The following TRMT11 variants were observed in gnomAD, a reference collection of about 807,000 sequenced individuals.
TRMT11 encodes tRNA (guanine(10)-N(2))-methyltransferase TRMT11.
TRMT11 carries 53 observed loss-of-function variants against 62.8 expected under a neutral mutation model. The observed-to-expected ratio is 0.84, with a 90% CI of 0.68 to 1.06. The LOEUF is 1.06. Ranked by LOEUF, TRMT11 falls within the 50% of genes least tolerant of loss-of-function variation. The probability of loss-of-function intolerance (pLI) is 0.00; values close to 1 mark genes in which losing one functional copy is unlikely to be tolerated. For synonymous variants in TRMT11, 188 were observed against 190.3 expected (o/e 0.99, Z 0.10); for missense variants, 556 against 553.4 (o/e 1.00, Z -0.05).
At position 126,171,942 on chromosome 6, in the gene TRMT11, C is replaced by T. The variant is rs555678524; in HGVS notation, c.*1824-2883C>T. The stretch of plus-strand genomic sequence containing the variant: ...TCATATTGGCTAGGCTGGTCTCAAA[C>T]TCCTGATCTCAGGTGATCCACCCGC... On this transcript the variant is annotated intron_variant and NMD_transcript_variant, in intron 21 of 22. Coordinates refer to the TRMT11 transcript ENST00000648977. 8.8e-3 allele frequency among the ~76,000 whole-genome samples: 1,336 copies of T among 152,220 alleles called. 21 individuals are homozygous for T. Among genetic ancestry groups the T allele is most frequent in the Non-Finnish European group, 0.014 (950 of 68,016 alleles).
chr6:126,083,062 A>G (rs1777176024), intron 17 of TRMT11, among the ~76,000 whole-genome samples: 1 of 152,192 alleles, frequency 6.6e-6, no homozygotes, highest in Non-Finnish European at 1.5e-5. Context: ...ACTTGAATAG[A>G]TATTTTTCCA....
rs1476221899 is a variant in TRMT11 at position 126,080,837 on chromosome 6, C to A, written c.*1437+27647C>A. On this transcript the variant is annotated intron_variant and NMD_transcript_variant, in intron 17 of 22. Transcript: ENST00000648977. ...CCCCCCTGTAGTTATTGCCCCAGTT[C>A]CTGAATGTATAATGGGAATAGACAT... is the stretch of plus-strand genomic sequence containing the variant. Among the ~76,000 whole-genome samples, 4 of 152,250 alleles carry A rather than the reference C, an allele frequency of 2.6e-5. No homozygotes were observed. The East Asian group carries it at 7.7e-4, about 29-fold the overall frequency.
At chr6:126,010,238 G>A (rs904319375) in intron 8 of TRMT11, among the ~76,000 whole-genome samples, 1 of 152,010 alleles carries the variant, frequency 6.6e-6, no homozygotes, top group Non-Finnish European at 1.5e-5. Context: ...GCATTTGACA[G>A]TGTTGACCTT....
In TRMT11 at chr6:126,005,215, T is replaced by G. The variant is rs563363309; in HGVS notation, c.680-3177T>G. On this transcript the variant is annotated intron_variant, in intron 7 of 12. Transcript: ENST00000334379. ...AACAGAGTGTGTAGCTTTACTTAATTTAATGTAATTTGTTTAGTAGCATAT... is the reference window on the plus strand; with the variant it reads ...AACAGAGTGTGTAGCTTTACTTAATGTAATGTAATTTGTTTAGTAGCATAT... 2.0e-5 allele frequency among the ~76,000 whole-genome samples: 3 copies of G among 152,210 alleles called. No individual in the cohort carries two copies. The South Asian group carries it at 6.2e-4, about 32-fold the overall frequency.
At chr6:126,144,989 T>C (rs934340921) in intron 21 of TRMT11, among the ~76,000 whole-genome samples, 3 of 152,186 alleles carry the variant, frequency 2.0e-5, no homozygotes, top group African/African-American at 4.8e-5. Context: ...CCAATAAATA[T>C]AGATCTCCAT....
At chr6:126,095,057 A>G (rs2128172436) in intron 17 of TRMT11, among the ~76,000 whole-genome samples, 1 of 152,332 alleles carries the variant, frequency 6.6e-6, no homozygotes, top group African/African-American at 2.4e-5. Context: ...TATGAAACTC[A>G]GAGATTATTT....
intron 17 of TRMT11, among the ~76,000 whole-genome samples, chr6:126,079,618 G>C (rs983290399): frequency 6.6e-6 from 1 of 152,020 alleles, no homozygotes; most frequent in Non-Finnish European, 1.5e-5. Flanking sequence ...TGAGTACTGT[G>C]CTCACGACCT....
At chr6:126,014,348 T>A (rs978060349) in intron 11 of TRMT11, among the ~76,000 whole-genome samples, 2 of 152,078 alleles carry the variant, frequency 1.3e-5, no homozygotes, top group Admixed American at 6.6e-5. Flanking sequence ...CCTCCTGGGT[T>A]CAAGCGATAC....
At chr6:126,214,543 A>T in the TRMT11 span, among the ~76,000 whole-genome samples, 6 of 151,896 alleles carry the variant, frequency 4.0e-5, no homozygotes, top group East Asian at 1.2e-3. Flanking sequence ...TAGTAGCCTT[A>T]ATAATCCTTT....
chr6:126,183,362 G>A (rs1030997630), intron 1 of TRMT11, among the ~76,000 whole-genome samples: 1 of 152,136 alleles, frequency 6.6e-6, no homozygotes, highest in Non-Finnish European at 1.5e-5. Context: ...TCTGTAATAA[G>A]GCCCAGATGA....
intron 21 of TRMT11, among the ~76,000 whole-genome samples, chr6:126,165,826 C>T (rs1778252573): frequency 6.6e-6 from 1 of 152,058 alleles, no homozygotes; most frequent in South Asian, 2.1e-4. Flanking sequence ...TGTATATTGG[C>T]CTGTCTTGCT....
intron 21 of TRMT11, among the ~76,000 whole-genome samples, chr6:126,157,131 T>G (rs917700025): frequency 2.0e-5 from 3 of 152,218 alleles, no homozygotes; most frequent in African/African-American, 7.2e-5. Context: ...TAGACTGCTC[T>G]CTGTCCCTGA....
the TRMT11 span, among the ~76,000 whole-genome samples, chr6:126,263,115 G>A: frequency 1.4e-5 from 2 of 145,290 alleles, no homozygotes; most frequent in African/African-American, 2.4e-5. Flanking sequence ...GGGGTCTCTA[G>A]GGGGAGAAAA....
chr6:126,169,963 G>C (rs1422267675), intron 21 of TRMT11, among the ~76,000 whole-genome samples: 1 of 151,640 alleles, frequency 6.6e-6, no homozygotes, highest in African/African-American at 2.4e-5. Context: ...CCTTCTCATG[G>C]TCTCTACTCT....
At chr6:126,256,765 A>G in the TRMT11 span, among the ~76,000 whole-genome samples, 1 of 152,176 alleles carries the variant, frequency 6.6e-6, no homozygotes, top group Admixed American at 6.5e-5. Flanking sequence ...TCTGGGAATG[A>G]GTCCCACTGT....
intron 12 of TRMT11, among the ~76,000 whole-genome samples, chr6:126,026,005 A>G (rs1183013618): frequency 6.6e-6 from 1 of 152,234 alleles, no homozygotes; most frequent in African/African-American, 2.4e-5. Context: ...TATGGCACAT[A>G]TGTAGTAAAG....
At chr6:126,122,446 C>A (rs1777660888) in intron 21 of TRMT11, among the ~76,000 whole-genome samples, 1 of 152,106 alleles carries the variant, frequency 6.6e-6, no homozygotes, top group Non-Finnish European at 1.5e-5. Context: ...AACCTCTTTT[C>A]CCAAAAGCCA....
At chr6:126,115,051 C>T (rs1001327391) in intron 19 of TRMT11, among the ~76,000 whole-genome samples, 35 of 152,050 alleles carry the variant, frequency 2.3e-4, no homozygotes, top group African/African-American at 9.7e-5. Context: ...TATTGCTGCA[C>T]GTGTCTTTCC....
chr6:126,267,428 T>G, the TRMT11 span, among the ~76,000 whole-genome samples: 7 of 152,346 alleles, frequency 4.6e-5, no homozygotes, highest in South Asian at 1.4e-3. Context: ...CTGAAGGCCT[T>G]CTAGTCAATC....
Sources: gnomAD v4.1 joint callset for allele counts (sites outside exome capture counted in the v4.1 genomes callset) on GRCh38, gnomAD v4.1.1 for gene constraint, MANE v1.5 for transcripts, NCBI Gene and HGNC (gene_info 2026-07-23, HGNC 2026-07-21) for gene names.